Variants in PSPH observed in about 807,000 individuals in gnomAD.
PSPH encodes the protein phosphoserine phosphatase.
Under a neutral mutation model 23.4 loss-of-function variants are expected in PSPH, and 16 were observed. That is an observed-to-expected ratio of 0.68 (90% CI 0.46 to 1.04). The LOEUF (loss-of-function observed/expected upper bound fraction) is 1.04, where lower values mean the gene tolerates loss of function less well. Ranked by LOEUF, PSPH falls within the 50% of genes least tolerant of loss-of-function variation. The pLI, the probability that PSPH is intolerant of heterozygous loss-of-function variation, is 0.00. For synonymous variants in PSPH, 68 were observed against 99.7 expected (o/e 0.68, Z 1.89); for missense variants, 223 against 273.7 (o/e 0.81, Z 1.31).
chr7:56,028,498 C>T (rs917772529), intron 3 of PSPH, among the ~76,000 whole-genome samples: 1 of 152,106 alleles, frequency 6.6e-6, no homozygotes, highest in African/African-American at 2.4e-5. Context: ...TCCCAAAGTG[C>T]TGGGATTATA....
At chr7:56,045,851 C>T (rs1793155700) in intron 1 of PSPH, among the ~76,000 whole-genome samples, 1 of 145,430 alleles carries the variant, frequency 6.9e-6, no homozygotes, top group Non-Finnish European at 1.5e-5. Context: ...CATGCCACTG[C>T]ACTCTAGCCT....
intron 3 of PSPH, 21 bp from the exon 4 acceptor site, chr7:56,021,252 G>A: frequency 6.2e-7 from 1 of 1,602,642 alleles, no homozygotes. Context: ...AAAGATAAAT[G>A]TATTTAAAGA....
chr7:56,024,014 C>T (rs1434081610), intron 3 of PSPH, among the ~76,000 whole-genome samples: 3 of 151,650 alleles, frequency 2.0e-5, no homozygotes, highest in African/African-American at 7.3e-5. Flanking sequence ...GCAAGCTCCA[C>T]CTCCCGGGTT....
At chr7:56,018,209 T>C (rs1788842421) in intron 5 of PSPH, among the ~76,000 whole-genome samples, 1 of 152,072 alleles carries the variant, frequency 6.6e-6, no homozygotes, top group African/African-American at 2.4e-5. Flanking sequence ...CTGGGCATGT[T>C]GGCACATGCC....
chr7:56,032,271 C>A (rs1791095763), intron 2 of PSPH, among the ~76,000 whole-genome samples: 3 of 152,052 alleles, frequency 2.0e-5, no homozygotes, highest in Admixed American at 2.0e-4. Flanking sequence ...CTGCAAGGTT[C>A]AAGTCTGATA....
chr7:56,021,980 G>A (rs1789538540), intron 3 of PSPH, among the ~76,000 whole-genome samples: 1 of 149,424 alleles, frequency 6.7e-6, no homozygotes, highest in Non-Finnish European at 1.5e-5. Flanking sequence ...AAGCAGAGGT[G>A]TGCATAAGGC....
intron 1 of PSPH, among the ~76,000 whole-genome samples, chr7:56,047,734 T>A (rs1277331323): frequency 1.3e-5 from 2 of 151,758 alleles, no homozygotes; most frequent in East Asian, 3.9e-4. Context: ...TGGCGTGATC[T>A]TGACTCACTG....
intron 1 of PSPH, among the ~76,000 whole-genome samples, chr7:56,045,801 C>T (rs1326736700): frequency 3.3e-5 from 5 of 150,128 alleles, no homozygotes; most frequent in East Asian, 2.0e-4. Context: ...CAAGGAGAAT[C>T]GCTTAAACCC....
rs189832439 is a variant in PSPH, at chr7:56,039,123, G to A, written c.-291-5017C>T. The stretch of plus-strand genomic sequence containing the variant: ...TGATCATGCCATTGCATACCCGCCC[G>A]GGAAACAAGAACAAAACTCTGTCTC... On this transcript the variant is annotated intron_variant, in intron 1 of 7. Coordinates refer to ENST00000275605, the MANE Select transcript of PSPH (RefSeq NM_004577.4). 2.6e-3 allele frequency among the ~76,000 whole-genome samples: 385 copies of A among 149,102 alleles called. 1 individual carries two copies. Among genetic ancestry groups the A allele is most frequent in the African/African-American group, 8.9e-3 (361 of 40,518 alleles).
Position 56,011,707 on chromosome 7 carries a change from T to C in PSPH, c.*55A>G. The C allele has an allele frequency of 7.2e-7, 1 of 1,390,944 alleles. No homozygotes were observed. The highest frequency in any genetic ancestry group is 1.0e-6 in the Non-Finnish European group (1 of 977,214). The allele number at this position is 1,390,944 out of a possible 1,614,324, so 86.2% of individuals were successfully genotyped here. A position where few individuals can be genotyped will look rare whatever the true frequency, so the allele number is the denominator to read the frequency against. On this transcript the variant is annotated 3_prime_UTR_variant, in exon 8 of 8. Coordinates refer to ENST00000275605, the MANE Select transcript of PSPH (RefSeq NM_004577.4). ...CAACTGTAAGCAAACAGTATCAATC[T>C]GTATAACTTGTAAAAATTCATCTGA...
chr7:56,044,690 C>T lies in PSPH; in HGVS notation c.-292+6448G>A, dbSNP rs186103487. On this transcript the variant is annotated intron_variant, in intron 1 of 7. Coordinates refer to ENST00000275605, the MANE Select transcript of PSPH (RefSeq NM_004577.4). Reference sequence around the variant, plus strand: ...CAGGAGGATCGCTTGAGGCTAGCTACTTGGGAGGCTGAGGTGGGAGGATCA... The same window carrying T: ...CAGGAGGATCGCTTGAGGCTAGCTATTTGGGAGGCTGAGGTGGGAGGATCA... Among the ~76,000 whole-genome samples, 3 of 151,170 alleles carry T rather than the reference C, an allele frequency of 2.0e-5. No individual in the cohort carries two copies. In the East Asian group the frequency reaches 5.9e-4, roughly 30 times the overall value.
intron 1 of PSPH, among the ~76,000 whole-genome samples, chr7:56,036,550 G>T (rs1211943853): frequency 6.6e-6 from 1 of 151,830 alleles, no homozygotes; most frequent in East Asian, 1.9e-4. Context: ...GATCATTTGA[G>T]CCCAGGATTT....
chr7:56,013,114 T>G (rs1379381736), intron 7 of PSPH, among the ~76,000 whole-genome samples: 3 of 149,712 alleles, frequency 2.0e-5, no homozygotes, highest in African/African-American at 7.4e-5. Context: ...TGTGTATATA[T>G]TTATATACAC....
chr7:56,047,262 C>G (rs1293235584), intron 1 of PSPH, among the ~76,000 whole-genome samples: 1 of 151,694 alleles, frequency 6.6e-6, no homozygotes, highest in South Asian at 2.1e-4. Context: ...CATAGTGGTG[C>G]ACGTCTGTAG....
intron 1 of PSPH, among the ~76,000 whole-genome samples, chr7:56,039,232 A>G (rs1444114713): frequency 6.6e-6 from 1 of 152,040 alleles, no homozygotes; most frequent in Non-Finnish European, 1.5e-5. Context: ...TGATGCTCCA[A>G]TAGCCACTGG....
intron 1 of PSPH, among the ~76,000 whole-genome samples, chr7:56,040,535 G>A (rs1792390579): frequency 6.6e-6 from 1 of 151,820 alleles, no homozygotes; most frequent in African/African-American, 2.4e-5. Context: ...ATCTTATAAT[G>A]GAAAAAGTGG....
At chr7:56,022,782 G>C (rs572344349) in intron 3 of PSPH, among the ~76,000 whole-genome samples, 10 of 152,232 alleles carry the variant, frequency 6.6e-5, no homozygotes, top group African/African-American at 2.2e-4. Flanking sequence ...GAAGAGGCTG[G>C]GCGCGGTGGC....
At chr7:56,041,134 C>G (rs1270083722) in intron 1 of PSPH, among the ~76,000 whole-genome samples, 2 of 151,474 alleles carry the variant, frequency 1.3e-5, no homozygotes, top group South Asian at 4.2e-4. Context: ...GAGGCCAAGG[C>G]GAGAGGATTG....
chr7:56,014,882 G>A (rs1490438351), intron 7 of PSPH, 141 bp downstream of exon 7: 2 of 827,896 alleles, frequency 2.4e-6, no homozygotes, highest in Non-Finnish European at 1.8e-6. Context: ...GGCGGATATT[G>A]CAGTAAGCTG....
Sources: allele counts gnomAD v4.1 joint callset (sites outside exome capture counted in the v4.1 genomes callset), GRCh38; gene constraint gnomAD v4.1.1; transcripts MANE v1.5; gene names NCBI Gene and HGNC (gene_info 2026-07-23, HGNC 2026-07-21).